Variants in ZNG1A observed in about 807,000 individuals in gnomAD.
ZNG1A encodes Zn regulated GTPase metalloprotein activator 1A, also known as zinc-regulated GTPase metalloprotein activator 1A.
At chr9:139,981 A>G in the ZNG1A span, among the ~76,000 whole-genome samples, 2 of 150,480 alleles carry the variant, frequency 1.3e-5, no homozygotes, top group South Asian at 2.1e-4. Context: ...GCACCACGAG[A>G]TTATATCCCG....
chr9:170,376 T>G, the ZNG1A span, among the ~76,000 whole-genome samples: 1 of 135,928 alleles, frequency 7.4e-6, no homozygotes, highest in African/African-American at 3.1e-5. Context: ...TGTGTGTGTG[T>G]GCGCATGTGC....
the ZNG1A span, chr9:154,293 A>G: frequency 4.0e-6 from 1 of 251,278 alleles, no homozygotes. Context: ...AAATTAAAAA[A>G]AAAAAAAGCA....
chr9:171,880 A>G, the ZNG1A span: 1 of 660,824 alleles, frequency 1.5e-6, no homozygotes, highest in Non-Finnish European at 2.6e-6. Flanking sequence ...TAACAGCTTA[A>G]AAGTACCAAG....
the ZNG1A span, among the ~76,000 whole-genome samples, chr9:140,900 G>A: frequency 6.9e-6 from 1 of 144,466 alleles, no homozygotes; most frequent in Non-Finnish European, 1.5e-5. Context: ...GAATGCAGAA[G>A]CCTCAGGAGC....
chr9:175,641 G>C, the ZNG1A span: 3 of 1,554,684 alleles, frequency 1.9e-6, no homozygotes, highest in East Asian at 6.8e-5. Context: ...CAATTCACCA[G>C]AGGAATAAAC....
chr9:176,103 C>A, the ZNG1A span, among the ~76,000 whole-genome samples: 1 of 145,696 alleles, frequency 6.9e-6, no homozygotes, highest in Non-Finnish European at 1.5e-5. Flanking sequence ...TAACAAGACG[C>A]AACTTCAGGC....
chr9:139,995 C>A, the ZNG1A span, among the ~76,000 whole-genome samples: 2 of 150,680 alleles, frequency 1.3e-5, no homozygotes, highest in South Asian at 2.1e-4. Context: ...TATCCCGCAC[C>A]TGGCTCGGAG....
chr9:154,721 C>A, the ZNG1A span: 1 of 1,597,876 alleles, frequency 6.3e-7, no homozygotes, highest in Non-Finnish European at 8.5e-7. Context: ...AATTGTCGTT[C>A]TTAATTTCTT....
chr9:170,206 G>C, the ZNG1A span, among the ~76,000 whole-genome samples: 97 of 148,676 alleles, frequency 6.5e-4, 2 homozygotes, highest in African/African-American at 2.4e-3. Context: ...TAGAGATTCC[G>C]ATTCAGTAGA....
chr9:159,332 T>C, the ZNG1A span, among the ~76,000 whole-genome samples: 2 of 145,906 alleles, frequency 1.4e-5, no homozygotes, highest in Non-Finnish European at 3.0e-5. Context: ...CAAAGTTCGT[T>C]ATACAAGATG....
the ZNG1A span, chr9:172,497 T>G: frequency 1.7e-5 from 4 of 233,596 alleles, no homozygotes; most frequent in Admixed American, 1.0e-4. Context: ...AATGATAAAA[T>G]GTATTAACTA....
the ZNG1A span, among the ~76,000 whole-genome samples, chr9:160,557 G>T: frequency 1.3e-5 from 2 of 151,068 alleles, no homozygotes; most frequent in Non-Finnish European, 3.0e-5. Flanking sequence ...GTAGCAGGAG[G>T]TTAAACGTTT....
chr9:171,829 A>G, the ZNG1A span: 9 of 504,940 alleles, frequency 1.8e-5, no homozygotes, highest in Admixed American at 2.8e-4. Context: ...TTCTGTTCTT[A>G]CAAATAATCC....
the ZNG1A span, chr9:147,441 C>T: frequency 1.8e-5 from 2 of 110,682 alleles, no homozygotes; most frequent in Non-Finnish European, 3.5e-5. Flanking sequence ...TTTCTTTATT[C>T]TCAACAGTCT....
chr9:144,493 A>G, the ZNG1A span, among the ~76,000 whole-genome samples: 2 of 152,146 alleles, frequency 1.3e-5, no homozygotes, highest in Non-Finnish European at 2.9e-5. Flanking sequence ...GGCTAGCCAT[A>G]TGTAGAAAGC....
chr9:176,607 G>C, the ZNG1A span, among the ~76,000 whole-genome samples: 1 of 151,962 alleles, frequency 6.6e-6, no homozygotes, highest in Non-Finnish European at 1.5e-5. Context: ...CTTTTTAACA[G>C]ATGAAGGCTT....
chr9:170,589 T>A, the ZNG1A span, among the ~76,000 whole-genome samples: 1 of 149,714 alleles, frequency 6.7e-6, no homozygotes, highest in South Asian at 2.1e-4. Context: ...TTTCACCATG[T>A]TGGCTAGGCT....
At chr9:139,977 C>T in the ZNG1A span, among the ~76,000 whole-genome samples, 24 of 150,708 alleles carry the variant, frequency 1.6e-4, no homozygotes, top group Non-Finnish European at 2.8e-4. Flanking sequence ...CGGCGCACCA[C>T]GAGATTATAT....
chr9:138,815 G>T, the ZNG1A span, among the ~76,000 whole-genome samples: 39,290 of 147,648 alleles, frequency 0.27, 5,622 homozygotes, highest in African/African-American at 0.31. Flanking sequence ...GAGATGGGAG[G>T]ATCACTTGAG....
Sources: gnomAD v4.1 joint callset for allele counts (sites outside exome capture counted in the v4.1 genomes callset) on GRCh38, gnomAD v4.1.1 for gene constraint, MANE v1.5 for transcripts, NCBI Gene and HGNC (gene_info 2026-07-23, HGNC 2026-07-21) for gene names.